Variants in DENND2A observed in about 807,000 individuals in gnomAD.
The protein encoded by DENND2A is DENN domain containing 2A.
A neutral mutation model predicts 105.3 loss-of-function variants in DENND2A; 53 were observed. The ratio of observed to expected loss-of-function variants is 0.50; its 90% CI spans 0.40 to 0.63. DENND2A has a LOEUF of 0.63. Ranked by LOEUF, DENND2A falls within the 30% of genes least tolerant of loss-of-function variation. The pLI, the probability that DENND2A is intolerant of heterozygous loss-of-function variation, is 0.00. For missense variants in DENND2A, 1,138 were observed against 1,279.6 expected (o/e 0.89, Z 1.69); for synonymous variants, 522 against 508.4 (o/e 1.03, Z -0.36).
At chr7:140,538,206 T>C (rs16882335) in intron 14 of DENND2A, among the ~76,000 whole-genome samples, 13,423 of 152,196 alleles carry the variant, frequency 0.088, 759 homozygotes, top group Non-Finnish European at 0.13. Context: ...CTCACAGCGA[T>C]GATGAGAGAA....
At chr7:140,551,505 G>A (rs1797138939) in intron 12 of DENND2A, among the ~76,000 whole-genome samples, 1 of 152,004 alleles carries the variant, frequency 6.6e-6, no homozygotes, top group African/African-American at 2.4e-5. Context: ...CTAGGAGCAT[G>A]GGAGACATGT....
rs190319435 is a variant in DENND2A at position 140,569,160 on chromosome 7, A to G, written c.1541-347T>C. 5.3e-5 allele frequency among the ~76,000 whole-genome samples: 8 copies of G among 152,284 alleles called. No homozygotes were observed. The East Asian group carries it at 1.4e-3, about 26-fold the overall frequency. ...AGGCTGGTATAAAACTTCTGACCTC[A>G]GGTAGATCCGCCTGTCTCAGCCTCC... On this transcript the variant is annotated intron_variant, in intron 7 of 19. Coordinates refer to ENST00000496613, the MANE Select transcript of DENND2A (RefSeq NM_015689.5).
intron 18 of DENND2A, among the ~76,000 whole-genome samples, chr7:140,520,880 T>C (rs1795834106): frequency 6.8e-6 from 1 of 146,882 alleles, no homozygotes; most frequent in Non-Finnish European, 1.5e-5. Context: ...GTTTTTTTTT[T>C]TCTTTTTTTC....
chr7:140,545,276 G>A (rs1468119035), intron 13 of DENND2A, among the ~76,000 whole-genome samples: 1 of 152,150 alleles, frequency 6.6e-6, no homozygotes, highest in East Asian at 1.9e-4. Context: ...ACCTCAAGAA[G>A]GTGTTTTTTA....
intron 1 of DENND2A, among the ~76,000 whole-genome samples, chr7:140,636,555 T>C (rs1480022311): frequency 6.6e-6 from 1 of 152,112 alleles, no homozygotes; most frequent in Non-Finnish European, 1.5e-5. Context: ...ATGGGCTCTC[T>C]ATACGTGACT....
chr7:140,622,291 G>T (rs1300804151), intron 1 of DENND2A, among the ~76,000 whole-genome samples: 2 of 152,038 alleles, frequency 1.3e-5, no homozygotes, highest in African/African-American at 4.8e-5. Context: ...AGCTACTCGG[G>T]AGGCTGAGGC....
intron 13 of DENND2A, among the ~76,000 whole-genome samples, chr7:140,545,129 T>TTGTCCC (rs1292867105): frequency 6.6e-6 from 1 of 152,058 alleles, no homozygotes; most frequent in Non-Finnish European, 1.5e-5. Context: ...TATAGGACTT[T>TTGTCCC]TGAAAACGGT....
intron 1 of DENND2A, among the ~76,000 whole-genome samples, chr7:140,630,217 C>T (rs1800685541): frequency 6.6e-6 from 1 of 151,706 alleles, no homozygotes; most frequent in Admixed American, 6.6e-5. Context: ...CTCAAGTGAT[C>T]CTCCCACCTC....
intron 1 of DENND2A, among the ~76,000 whole-genome samples, chr7:140,631,736 C>T (rs1008105813): frequency 1.3e-5 from 2 of 152,066 alleles, no homozygotes; most frequent in African/African-American, 2.4e-5. Flanking sequence ...GGTTGGATGA[C>T]CACACACTTC....
chr7:140,637,624 T>C (rs1451765487), intron 1 of DENND2A, among the ~76,000 whole-genome samples: 1 of 152,144 alleles, frequency 6.6e-6, no homozygotes, highest in African/African-American at 2.4e-5. Context: ...CTACATCCAG[T>C]CTGGAGGCAG....
chr7:140,610,458 T>G lies in DENND2A; in HGVS notation c.-247-4652A>C, dbSNP rs143779213. On this transcript the variant is annotated intron_variant, in intron 1 of 19. Transcript: ENST00000496613. ...GAGAGAGAGAGATCAAGAGATCTCA[T>G]AGTGAGATGCTTCTGATCAGCCTCA... is the stretch of plus-strand genomic sequence containing the variant. Among the ~76,000 whole-genome samples the G allele has an allele frequency of 2.6e-5, 4 of 152,238 alleles. No homozygotes were observed. The East Asian group carries it at 7.7e-4, about 29-fold the overall frequency.
chr7:140,610,840 C>T (rs973874557), intron 1 of DENND2A, among the ~76,000 whole-genome samples: 1 of 152,172 alleles, frequency 6.6e-6, no homozygotes, highest in Non-Finnish European at 1.5e-5. Context: ...CTCAGGAGGA[C>T]CCGGCAGCTC....
At chr7:140,639,319 T>C (rs545851998) in intron 1 of DENND2A, among the ~76,000 whole-genome samples, 88 of 151,016 alleles carry the variant, frequency 5.8e-4, no homozygotes, top group African/African-American at 2.1e-3. Flanking sequence ...ACTACCGCAC[T>C]CCAGCCAGGG....
At chr7:140,588,220 T>C (rs1404252431) in intron 3 of DENND2A, among the ~76,000 whole-genome samples, 2 of 152,174 alleles carry the variant, frequency 1.3e-5, no homozygotes, top group Non-Finnish European at 2.9e-5. Flanking sequence ...ACTTCTGTTA[T>C]TGTAAAAGGT....
At chr7:140,625,028 AT>A (rs1800465559) in intron 1 of DENND2A, among the ~76,000 whole-genome samples, 1 of 151,428 alleles carries the variant, frequency 6.6e-6, no homozygotes, top group African/African-American at 2.4e-5. Flanking sequence ...CAGCCTGGAG[AT>A]TTTTTAAAAA....
chr7:140,588,490 G>A (rs544085108), intron 3 of DENND2A, among the ~76,000 whole-genome samples: 12 of 152,234 alleles, frequency 7.9e-5, no homozygotes, highest in African/African-American at 2.4e-4. Flanking sequence ...TTGTGACTAA[G>A]GATATGGAAC....
chr7:140,544,379 G>T (rs1307221062), intron 14 of DENND2A: 4 of 590,724 alleles, frequency 6.8e-6, no homozygotes, highest in Non-Finnish European at 1.2e-5. Context: ...ATTTTTAGTA[G>T]AGACGGAGTT....
intron 9 of DENND2A, among the ~76,000 whole-genome samples, chr7:140,565,338 TG>T (rs1278592751): frequency 6.7e-6 from 1 of 148,484 alleles, no homozygotes; most frequent in Non-Finnish European, 1.5e-5. Context: ...TTTCTGGGGG[TG>T]GGGGGAGATG....
At position 140,527,006 on chromosome 7, in the gene DENND2A, G is replaced by T. The variant is rs374424646; in HGVS notation, c.2505+312C>A. Among the ~76,000 whole-genome samples the T allele has an allele frequency of 6.6e-6, 1 of 152,114 alleles. No homozygotes were observed. The highest frequency in any genetic ancestry group is 1.5e-5 in the Non-Finnish European group (1 of 68,020). On this transcript the variant is annotated intron_variant, in intron 15 of 19. Coordinates refer to ENST00000496613, the MANE Select transcript of DENND2A (RefSeq NM_015689.5). This position sits in a 1 kb window ranked among gnomAD's most constrained non-coding sequence, Gnocchi z 4.9. ...TCAATGTGGGGGAGTGGGCGAGAGGGCAGGGGAGAGGAGAGGGCTATTAAT... is the reference window on the plus strand; with the variant it reads ...TCAATGTGGGGGAGTGGGCGAGAGGTCAGGGGAGAGGAGAGGGCTATTAAT...
Sources: gnomAD v4.1 joint callset for allele counts (sites outside exome capture counted in the v4.1 genomes callset) on GRCh38, gnomAD v4.1.1 for gene constraint, Gnocchi (gnomAD v3.1) non-coding constraint, MANE v1.5 for transcripts, NCBI Gene and HGNC (gene_info 2026-07-23, HGNC 2026-07-21) for gene names.